TMEM74: variants seen among roughly 807,000 people sequenced by gnomAD.
The protein encoded by TMEM74 is transmembrane protein 74.
TMEM74 carries 13 observed loss-of-function variants against 18.1 expected under a neutral mutation model. The observed-to-expected ratio is 0.72, with a 90% CI of 0.47 to 1.14. The LOEUF (loss-of-function observed/expected upper bound fraction) is 1.14, where lower values mean the gene tolerates loss of function less well. TMEM74 is among the 50% of genes most tolerant of loss of function. The pLI is 0.00. For synonymous variants in TMEM74, 159 were observed against 146.6 expected, an observed-to-expected ratio of 1.08 and a Z score of -0.61; for missense variants, 372 against 375.9, an observed-to-expected ratio of 0.99 and a Z score of 0.09.
intron 1 of TMEM74, among the ~76,000 whole-genome samples, chr8:108,717,102 C>A (rs1813534142): frequency 6.6e-6 from 1 of 151,854 alleles, no homozygotes; most frequent in Non-Finnish European, 1.5e-5. Context: ...TTGACAAAAT[C>A]TGACAAAATG....
intron 1 of TMEM74, among the ~76,000 whole-genome samples, chr8:108,754,186 A>G (rs1813932640): frequency 6.6e-6 from 1 of 152,110 alleles, no homozygotes; most frequent in Non-Finnish European, 1.5e-5. Context: ...GACAAAATTA[A>G]TTGTATCTCC....
intron 1 of TMEM74, among the ~76,000 whole-genome samples, chr8:108,733,622 A>G (rs1280731752): frequency 6.6e-6 from 1 of 152,232 alleles, no homozygotes; most frequent in African/African-American, 2.4e-5. Context: ...CTTAAGATCT[A>G]CTTTTGTAAA....
intron 1 of TMEM74, among the ~76,000 whole-genome samples, chr8:108,714,905 G>A (rs1363079516): frequency 1.3e-5 from 2 of 152,096 alleles, no homozygotes; most frequent in East Asian, 1.9e-4. Context: ...GGCCATCCAT[G>A]TTTCCATTCT....
At chr8:108,771,079 G>T (rs1814165945) in intron 1 of TMEM74, among the ~76,000 whole-genome samples, 2 of 152,018 alleles carry the variant, frequency 1.3e-5, no homozygotes, top group South Asian at 4.2e-4. Flanking sequence ...TATTAACCTG[G>T]GGAGGTCAAG....
chr8:108,778,682 T>C (rs992200371), downstream of TMEM74, among the ~76,000 whole-genome samples: 2 of 152,182 alleles, frequency 1.3e-5, no homozygotes, highest in Non-Finnish European at 2.9e-5. Context: ...CAGTTAATAA[T>C]ATAAATTGTG....
chr8:108,691,761 C>T (rs560685456), intron 1 of TMEM74, among the ~76,000 whole-genome samples: 2 of 152,232 alleles, frequency 1.3e-5, no homozygotes, highest in East Asian at 3.9e-4. Context: ...CAGTGTTCTA[C>T]AGTTGTAGTA....
Position 108,780,953 on chromosome 8 carries a change from G to A in TMEM74, c.*3228C>T, listed in dbSNP as rs1350202769. Among the ~76,000 whole-genome samples, 1 of 152,112 alleles carries A rather than the reference G, an allele frequency of 6.6e-6. No individual in the cohort carries two copies. The highest frequency in any genetic ancestry group is 1.5e-5 in the Non-Finnish European group (1 of 68,016). Reference sequence around the variant, plus strand: ...GCAAACTCTACCACTAACAGTTTAAGGTGCCCTAAAAAGAACTGGCTTATA... The same window carrying A: ...GCAAACTCTACCACTAACAGTTTAAAGTGCCCTAAAAAGAACTGGCTTATA... On this transcript the variant is annotated 3_prime_UTR_variant, in exon 2 of 2. Coordinates refer to ENST00000297459, the MANE Select transcript of TMEM74 (RefSeq NM_153015.3).
chr8:108,734,898 A>T (rs899283470), intron 1 of TMEM74, among the ~76,000 whole-genome samples: 2 of 152,164 alleles, frequency 1.3e-5, no homozygotes, highest in Non-Finnish European at 2.9e-5. Context: ...ATATTTTAAA[A>T]TTTTAAAAAA....
intron 1 of TMEM74, among the ~76,000 whole-genome samples, chr8:108,659,876 T>A (rs74374929): frequency 0.026 from 3,892 of 152,126 alleles, 180 homozygotes; most frequent in African/African-American, 0.089. Context: ...CTGGTCTACA[T>A]CCAATTACTC....
chr8:108,723,205 G>C (rs1813602800), intron 1 of TMEM74, among the ~76,000 whole-genome samples: 1 of 152,092 alleles, frequency 6.6e-6, no homozygotes, highest in Admixed American at 6.5e-5. Context: ...ACTGATTAAG[G>C]GGTGATTTAA....
intron 1 of TMEM74, among the ~76,000 whole-genome samples, chr8:108,704,789 G>GGTTA (rs1477024605): frequency 6.6e-6 from 1 of 152,188 alleles, no homozygotes; most frequent in Non-Finnish European, 1.5e-5. Flanking sequence ...GAGGGAGGGA[G>GGTTA]GTTACCTGCA....
intron 1 of TMEM74, among the ~76,000 whole-genome samples, chr8:108,704,547 C>T (rs1046340499): frequency 1.4e-5 from 2 of 145,254 alleles, no homozygotes; most frequent in Non-Finnish European, 3.1e-5. Context: ...AGGAACAGAT[C>T]TACCATTATC....
intron 1 of TMEM74, among the ~76,000 whole-genome samples, chr8:108,715,339 G>T (rs910328818): frequency 5.9e-5 from 9 of 151,886 alleles, no homozygotes; most frequent in Non-Finnish European, 1.2e-4. Flanking sequence ...AGGGCCAGGG[G>T]ATCATTCATA....
intron 1 of TMEM74, among the ~76,000 whole-genome samples, chr8:108,738,530 T>C (rs1038346469): frequency 2.6e-5 from 4 of 152,182 alleles, no homozygotes. Flanking sequence ...CTTGTTGATA[T>C]AGGCATTACA....
At chr8:108,703,214 G>T (rs1268778592) in intron 1 of TMEM74, among the ~76,000 whole-genome samples, 1 of 152,152 alleles carries the variant, frequency 6.6e-6, no homozygotes, top group African/African-American at 2.4e-5. Context: ...GATTTAAGGG[G>T]ATCTGAACAG....
chr8:108,761,807 A>G (rs1814048066), intron 1 of TMEM74, among the ~76,000 whole-genome samples: 1 of 152,162 alleles, frequency 6.6e-6, no homozygotes, highest in Non-Finnish European at 1.5e-5. Flanking sequence ...TATGAAATAT[A>G]TTTCAAGGGT....
chr8:108,752,248 C>T (rs1286575202), intron 1 of TMEM74, among the ~76,000 whole-genome samples: 1 of 152,054 alleles, frequency 6.6e-6, no homozygotes, highest in Non-Finnish European at 1.5e-5. Flanking sequence ...AATTTCTTAA[C>T]CTCTCAGTGC....
chr8:108,668,461 C>T (rs1812970714), intron 1 of TMEM74, among the ~76,000 whole-genome samples: 1 of 151,978 alleles, frequency 6.6e-6, no homozygotes, highest in Non-Finnish European at 1.5e-5. Context: ...CAAAATAAGC[C>T]ACAACAGCAA....
chr8:108,721,265 C>A (rs1192685641), intron 1 of TMEM74, among the ~76,000 whole-genome samples: 2 of 152,218 alleles, frequency 1.3e-5, no homozygotes, highest in African/African-American at 4.8e-5. Flanking sequence ...AACCCCATCT[C>A]TCCTCTCTAC....
Sources: gnomAD v4.1 joint callset for allele counts (sites outside exome capture counted in the v4.1 genomes callset) on GRCh38, gnomAD v4.1.1 for gene constraint, MANE v1.5 for transcripts, NCBI Gene and HGNC (gene_info 2026-07-23, HGNC 2026-07-21) for gene names.